Variants in SLC49A4 observed in about 807,000 individuals in gnomAD.
SLC49A4 encodes disrupted in renal cancer protein 2.
Under a neutral mutation model 50.6 loss-of-function variants are expected in SLC49A4, and 36 were observed. The ratio of observed to expected loss-of-function variants is 0.71; its 90% CI spans 0.55 to 0.94. The LOEUF is 0.94. Among genes scored for constraint, SLC49A4 ranks in the 40% least tolerant of loss-of-function variants. The pLI is 0.00. For synonymous variants in SLC49A4, 248 were observed against 241.2 expected (o/e 1.03, Z -0.26); for missense variants, 503 against 605.7 (o/e 0.83, Z 1.78).
chr3:122,850,551 A>G (rs1936913390), intron 5 of SLC49A4, among the ~76,000 whole-genome samples: 1 of 150,742 alleles, frequency 6.6e-6, no homozygotes, highest in South Asian at 2.1e-4. Context: ...TCTGTTGCCC[A>G]GGCTGGAGTG....
intron 3 of SLC49A4, among the ~76,000 whole-genome samples, chr3:122,832,433 C>T (rs566621002): frequency 6.6e-6 from 1 of 152,292 alleles, no homozygotes; most frequent in Admixed American, 6.5e-5. Flanking sequence ...TAATACTCTA[C>T]ATTAGCTAGT....
chr3:122,835,267 C>T (rs1185945850), intron 4 of SLC49A4, among the ~76,000 whole-genome samples: 1 of 152,118 alleles, frequency 6.6e-6, no homozygotes, highest in African/African-American at 2.4e-5. Context: ...CTCCCTAACT[C>T]ATTCTATGAA....
intron 5 of SLC49A4, among the ~76,000 whole-genome samples, chr3:122,851,326 G>A (rs1936922322): frequency 6.6e-6 from 1 of 152,136 alleles, no homozygotes; most frequent in Non-Finnish European, 1.5e-5. Flanking sequence ...GTCTGTGGGT[G>A]ACAAATTCTT....
intron 2 of SLC49A4, among the ~76,000 whole-genome samples, chr3:122,817,858 G>T (rs759239303): frequency 7.1e-6 from 1 of 140,644 alleles, no homozygotes; most frequent in East Asian, 2.3e-4. Context: ...GCCTCCCAAA[G>T]TGCTAGGATT....
intron 7 of SLC49A4, among the ~76,000 whole-genome samples, chr3:122,860,977 C>G (rs1937052277): frequency 2.6e-5 from 4 of 152,134 alleles, no homozygotes; most frequent in Admixed American, 2.6e-4. Flanking sequence ...TGGCTCTGTC[C>G]TCTGCCTTCA....
Position 122,795,390 on chromosome 3 carries a change from C to T in SLC49A4, c.198C>T (p.Gly66=), listed in dbSNP as rs777890778. The T allele has an allele frequency of 2.5e-6, 4 of 1,605,462 alleles. No homozygotes were observed. The East Asian group carries it at 6.7e-5, about 27-fold the overall frequency. The part of the protein sequence containing the change: ...LLFSLLAFVQ[G]LVWNTWGPIQ... Reference sequence around the variant, plus strand: ...TCTCGCTGCTGGCGTTCGTTCAGGGCCTGGTCTGGAACACCTGGGGTCCCA... The same window carrying T: ...TCTCGCTGCTGGCGTTCGTTCAGGGTCTGGTCTGGAACACCTGGGGTCCCA... The change falls in exon 1 of 9, where the codon GGC becomes GGT. Residue 66 remains glycine (G), a synonymous_variant. Coordinates refer to ENST00000261038, the MANE Select transcript of SLC49A4 (RefSeq NM_032839.3).
At chr3:122,863,731 T>C (rs1937083198) in intron 7 of SLC49A4, among the ~76,000 whole-genome samples, 1 of 152,238 alleles carries the variant, frequency 6.6e-6, no homozygotes, top group Non-Finnish European at 1.5e-5. Context: ...CTTTTTCCTC[T>C]TTCCTAGCAA....
At chr3:122,833,099 G>T (rs987654426) in intron 3 of SLC49A4, among the ~76,000 whole-genome samples, 1 of 151,988 alleles carries the variant, frequency 6.6e-6, no homozygotes, top group Non-Finnish European at 1.5e-5. Context: ...AAATTAGCCT[G>T]GTATGGTGGC....
At chr3:122,821,656 G>C (rs937019279) in intron 2 of SLC49A4, among the ~76,000 whole-genome samples, 2 of 152,180 alleles carry the variant, frequency 1.3e-5, no homozygotes, top group Admixed American at 6.5e-5. Context: ...TTCTGCTCCA[G>C]AGCTTATTGC....
chr3:122,817,265 T>C (rs1179380525), intron 2 of SLC49A4, among the ~76,000 whole-genome samples: 2 of 152,170 alleles, frequency 1.3e-5, no homozygotes, highest in Non-Finnish European at 2.9e-5. Context: ...TTCCAGCAAC[T>C]GCAGTTGCTG....
At chr3:122,798,223 G>C (rs1487906378) in intron 1 of SLC49A4, among the ~76,000 whole-genome samples, 1 of 152,026 alleles carries the variant, frequency 6.6e-6, no homozygotes, top group African/African-American at 2.4e-5. Context: ...AAAATGCTGT[G>C]TTATAGTTTC....
intron 2 of SLC49A4, among the ~76,000 whole-genome samples, chr3:122,815,562 C>T (rs1000103834): frequency 6.6e-6 from 1 of 152,196 alleles, no homozygotes; most frequent in African/African-American, 2.4e-5. Context: ...TTAGGAGTCT[C>T]TGCTGTCAGA....
rs1246468777 is a variant in SLC49A4 at position 122,837,131 on chromosome 3, G to A, written c.833+3685G>A. On this transcript the variant is annotated intron_variant, in intron 4 of 8. Coordinates refer to ENST00000261038, the MANE Select transcript of SLC49A4 (RefSeq NM_032839.3). ...GAATCAATATCGTGAAAATGGCCAT[G>A]CTGCCCAAGGTAATTTATAGATTCA... 5.3e-5 allele frequency among the ~76,000 whole-genome samples: 8 copies of A among 152,102 alleles called. No individual in the cohort carries two copies. The East Asian group carries it at 1.3e-3, about 26-fold the overall frequency.
chr3:122,804,316 C>G (rs1324572298), intron 1 of SLC49A4, among the ~76,000 whole-genome samples: 2 of 152,162 alleles, frequency 1.3e-5, no homozygotes, highest in Admixed American at 6.5e-5. Context: ...ATGGCCCAAG[C>G]CATTCATGAG....
intron 3 of SLC49A4, among the ~76,000 whole-genome samples, chr3:122,828,142 T>G (rs918276690): frequency 6.6e-6 from 1 of 152,248 alleles, no homozygotes; most frequent in Non-Finnish European, 1.5e-5. Context: ...CACTTATAAA[T>G]TTCACAAACA....
intron 5 of SLC49A4, among the ~76,000 whole-genome samples, chr3:122,849,885 C>A (rs540047671): frequency 2.0e-5 from 3 of 152,062 alleles, no homozygotes; most frequent in South Asian, 2.1e-4. Flanking sequence ...AGGCTGTACT[C>A]AAAAAATCTG....
chr3:122,795,511 T>G lies in SLC49A4; in HGVS notation c.319T>G (p.Phe107Val). The G allele has an allele frequency of 6.2e-7, 1 of 1,600,936 alleles. No homozygotes were observed. The highest frequency in any genetic ancestry group is 8.5e-7 in the Non-Finnish European group (1 of 1,178,262). ...CATCGGCTTCCTGCCCTGCTTCGCGTTCATGTGGCTCCTGGACAAGAGAGG... is the reference window on the plus strand; with the variant it reads ...CATCGGCTTCCTGCCCTGCTTCGCGGTCATGTGGCTCCTGGACAAGAGAGG... ...GPIGFLPCFA[F>V]MWLLDKRGLR... The change falls in exon 1 of 9, where the codon TTC becomes GTC. Residue 107 changes from phenylalanine to valine, a missense_variant. By Grantham distance (50) the Phe-to-Val change is conservative (BLOSUM62 -1). Transcript: ENST00000261038.
chr3:122,863,733 T>G (rs1576310313), intron 7 of SLC49A4, among the ~76,000 whole-genome samples: 1 of 152,220 alleles, frequency 6.6e-6, no homozygotes, highest in East Asian at 1.9e-4. Context: ...TTTTCCTCTT[T>G]CCTAGCAAAC....
In SLC49A4 at chr3:122,795,100, T is replaced by G; in HGVS notation, c.-93T>G. On this transcript the variant is annotated 5_prime_UTR_variant, in exon 1 of 9. Coordinates refer to ENST00000261038, the MANE Select transcript of SLC49A4 (RefSeq NM_032839.3). ...GAGGCCGAGGGCGACCACAGCAGCCTCCGCCTCCTGCTGCTCAGGACTATT... is the reference window on the plus strand; with the variant it reads ...GAGGCCGAGGGCGACCACAGCAGCCGCCGCCTCCTGCTGCTCAGGACTATT... The G allele has an allele frequency of 8.2e-7, 1 of 1,217,214 alleles. No individual in the cohort carries two copies. The highest frequency in any genetic ancestry group is 1.0e-6 in the Non-Finnish European group (1 of 976,062). 75.4% of individuals were successfully genotyped at this position (1,217,214 alleles called of 1,614,324 possible). A position where few individuals can be genotyped will look rare whatever the true frequency, so the allele number is the denominator to read the frequency against.
Sources: allele counts gnomAD v4.1 joint callset (sites outside exome capture counted in the v4.1 genomes callset), GRCh38; gene constraint gnomAD v4.1.1; transcripts MANE v1.5; gene names NCBI Gene and HGNC (gene_info 2026-07-23, HGNC 2026-07-21).